Variants in NRXN1 observed in about 807,000 individuals in gnomAD.
NRXN1 encodes the protein neurexin 1.
A neutral mutation model predicts 150.9 loss-of-function variants in NRXN1; 39 were observed. The ratio of observed to expected loss-of-function variants is 0.26; its 90% CI spans 0.20 to 0.34. The LOEUF (loss-of-function observed/expected upper bound fraction) is 0.34, where lower values mean the gene tolerates loss of function less well. NRXN1 is among the 10% of genes least tolerant of loss of function. The pLI is 1.00. For missense variants in NRXN1, 1,815 were observed against 1,949.9 expected, an observed-to-expected ratio of 0.93 and a Z score of 1.30; for synonymous variants, 924 against 757.0, an observed-to-expected ratio of 1.22 and a Z score of -3.62.
At chr2:50,166,279 A>ATGTGTGTGTGTGTGTG (rs70946894) in intron 18 of NRXN1, among the ~76,000 whole-genome samples, 156 of 131,520 alleles carry the variant, frequency 1.2e-3, no homozygotes, top group Non-Finnish European at 2.0e-3. Context: ...TACTCAACGT[A>ATGTGTGTGTGTGTGTG]TGTGTGTGTG....
intron 5 of NRXN1, among the ~76,000 whole-genome samples, chr2:50,670,872 A>C (rs1433024967): frequency 6.6e-6 from 1 of 151,906 alleles, no homozygotes; most frequent in Non-Finnish European, 1.5e-5. Flanking sequence ...TGATGTCTGG[A>C]GGTAAATGAT....
chr2:50,661,757 C>A (rs530135430), intron 5 of NRXN1, among the ~76,000 whole-genome samples: 12 of 152,074 alleles, frequency 7.9e-5, no homozygotes, highest in Non-Finnish European at 1.6e-4. Context: ...AAAAGGATTA[C>A]TACTTCTGAT....
At chr2:50,713,411 C>T (rs997106488) in intron 5 of NRXN1, among the ~76,000 whole-genome samples, 2 of 151,924 alleles carry the variant, frequency 1.3e-5, no homozygotes, top group African/African-American at 4.8e-5. Context: ...CAAATTTTAC[C>T]AGAAGCCTTT....
At chr2:50,095,782 T>A (rs940153517) in intron 18 of NRXN1, among the ~76,000 whole-genome samples, 1 of 150,598 alleles carries the variant, frequency 6.6e-6, no homozygotes, top group Non-Finnish European at 1.5e-5. Flanking sequence ...TTTTTTAATT[T>A]TATATATATA....
At chr2:50,800,778 G>A (rs1308026145) in intron 5 of NRXN1, among the ~76,000 whole-genome samples, 1 of 152,110 alleles carries the variant, frequency 6.6e-6, no homozygotes, top group Non-Finnish European at 1.5e-5. Context: ...TCGAACTCCT[G>A]ACTTTAGGTG....
intron 5 of NRXN1, among the ~76,000 whole-genome samples, chr2:50,641,763 T>G (rs533961764): frequency 6.6e-6 from 1 of 152,152 alleles, no homozygotes; most frequent in East Asian, 1.9e-4. Flanking sequence ...GTGCTCAAGG[T>G]CATAAATCTT....
intron 1 of NRXN1, among the ~76,000 whole-genome samples, chr2:51,031,723 C>G (rs1045938297): frequency 6.6e-6 from 1 of 152,090 alleles, no homozygotes; most frequent in Non-Finnish European, 1.5e-5. Context: ...TCTAGCCTGT[C>G]TCTTATTTTC....
At chr2:50,118,389 T>C (rs1703372055) in intron 18 of NRXN1, among the ~76,000 whole-genome samples, 1 of 152,086 alleles carries the variant, frequency 6.6e-6, no homozygotes, top group Admixed American at 6.6e-5. Context: ...CTTTTAAAAA[T>C]CTTTAAATAA....
chr2:49,967,048 C>CA (rs1289034483), intron 21 of NRXN1, among the ~76,000 whole-genome samples: 4 of 152,020 alleles, frequency 2.6e-5, no homozygotes, highest in Admixed American at 1.3e-4. Context: ...TTCTCTTAGG[C>CA]AATTGATCGA....
Position 50,361,786 on chromosome 2 carries a change from G to C in NRXN1, c.3364+103656C>G, listed in dbSNP as rs188711981. ...CATCCTCATATCAAAACCTGGCAGAGACACAACAGAAAAAGAAAATTTCAG... is the reference window on the plus strand; with the variant it reads ...CATCCTCATATCAAAACCTGGCAGACACACAACAGAAAAAGAAAATTTCAG... On this transcript the variant is annotated intron_variant, in intron 17 of 22. Transcript: ENST00000401669. 3.4e-3 allele frequency among the ~76,000 whole-genome samples: 511 copies of C among 152,236 alleles called. 4 individuals carry two copies. The highest frequency in any genetic ancestry group is 5.8e-3 in the Non-Finnish European group (393 of 68,012).
intron 17 of NRXN1, among the ~76,000 whole-genome samples, chr2:50,456,516 A>C (rs529981590): frequency 6.6e-6 from 1 of 152,306 alleles, no homozygotes; most frequent in African/African-American, 2.4e-5. Flanking sequence ...TAACTGGCAC[A>C]GTAAATCTCA....
intron 10 of NRXN1, among the ~76,000 whole-genome samples, chr2:50,536,714 A>G (rs752125558): frequency 3.3e-5 from 5 of 152,228 alleles, no homozygotes; most frequent in Non-Finnish European, 7.3e-5. Flanking sequence ...GCGTAACTGT[A>G]TTATACCTTG....
intron 5 of NRXN1, among the ~76,000 whole-genome samples, chr2:50,736,816 C>T (rs1356205107): frequency 3.9e-5 from 6 of 152,096 alleles, no homozygotes; most frequent in Admixed American, 3.9e-4. Context: ...CGAACAAATA[C>T]AGATATCAAA....
At chr2:50,098,978 T>C (rs1216061553) in intron 18 of NRXN1, among the ~76,000 whole-genome samples, 3 of 151,126 alleles carry the variant, frequency 2.0e-5, no homozygotes, top group Non-Finnish European at 4.4e-5. Context: ...TTAGGAGTAA[T>C]ACATTTTTAA....
At chr2:49,995,243 A>ATATACAG (rs1408721951) in intron 21 of NRXN1, among the ~76,000 whole-genome samples, 2 of 152,182 alleles carry the variant, frequency 1.3e-5, no homozygotes, top group African/African-American at 4.8e-5. Flanking sequence ...TTCCAATTAG[A>ATATACAG]TATACAGGAA....
intron 17 of NRXN1, among the ~76,000 whole-genome samples, chr2:50,295,787 A>G (rs2152949562): frequency 6.6e-6 from 1 of 152,284 alleles, no homozygotes; most frequent in East Asian, 1.9e-4. Context: ...GGCATAAGGG[A>G]ATTTCTCACA....
chr2:50,265,876 A>G (rs1410258091), intron 17 of NRXN1, among the ~76,000 whole-genome samples: 1 of 152,050 alleles, frequency 6.6e-6, no homozygotes, highest in Non-Finnish European at 1.5e-5. Context: ...TACATCTTCA[A>G]ATGCAAGAGA....
chr2:51,018,253 C>T (rs562841824), intron 2 of NRXN1, among the ~76,000 whole-genome samples: 1 of 152,064 alleles, frequency 6.6e-6, no homozygotes, highest in Non-Finnish European at 1.5e-5. Flanking sequence ...TTGGCAGCTC[C>T]GCTTTTAACT....
At chr2:50,160,347 C>T (rs1302855257) in intron 18 of NRXN1, among the ~76,000 whole-genome samples, 1 of 151,932 alleles carries the variant, frequency 6.6e-6, no homozygotes, top group African/African-American at 2.4e-5. Flanking sequence ...TCGAAACCAG[C>T]CTGACCAACA....
Sources: gnomAD v4.1 joint callset for allele counts (sites outside exome capture counted in the v4.1 genomes callset) on GRCh38, gnomAD v4.1.1 for gene constraint, MANE v1.5 for transcripts, NCBI Gene and HGNC (gene_info 2026-07-23, HGNC 2026-07-21) for gene names.